Variants in STXBP4 observed in about 807,000 individuals in gnomAD.
STXBP4 encodes the protein syntaxin-binding protein 4.
Under a neutral mutation model 76.1 loss-of-function variants are expected in STXBP4, and 55 were observed. The ratio of observed to expected loss-of-function variants is 0.72; its 90% confidence interval spans 0.58 to 0.91. The LOEUF is 0.91. STXBP4 is among the 40% of genes least tolerant of loss of function. The pLI, the probability that STXBP4 is intolerant of heterozygous loss-of-function variation, is 0.00. For missense variants in STXBP4, 618 were observed against 636.9 expected, an observed-to-expected ratio of 0.97 and a Z score of 0.32; for synonymous variants, 201 against 220.2, an observed-to-expected ratio of 0.91 and a Z score of 0.77.
rs537456865 is a variant in STXBP4 at position 55,036,442 on chromosome 17, T to C, written c.855+2183T>C. On this transcript the variant is annotated intron_variant, in intron 10 of 17. Coordinates refer to ENST00000376352, the MANE Select transcript of STXBP4 (RefSeq NM_178509.6). ...GTTGCCATTAAAATTAATGGTATCT[T>C]TTAAAAATTTGTTTCATTTTAAATT... Among the ~76,000 whole-genome samples, 8 of 151,744 alleles carry C rather than the reference T, an allele frequency of 5.3e-5. No homozygotes were observed. In the South Asian group the frequency reaches 1.7e-3, roughly 31 times the overall value.
intron 12 of STXBP4, among the ~76,000 whole-genome samples, 182 bp from the exon 13 acceptor site, chr17:55,072,718 G>A (rs983209480): frequency 2.6e-5 from 4 of 152,088 alleles, no homozygotes; most frequent in South Asian, 2.1e-4. Context: ...GAAAAAGTAA[G>A]ATCAGGCAAC....
At chr17:55,106,655 G>C (rs2079638692) in intron 16 of STXBP4, among the ~76,000 whole-genome samples, 1 of 152,080 alleles carries the variant, frequency 6.6e-6, no homozygotes, top group African/African-American at 2.4e-5. Flanking sequence ...AGGCAGGCCT[G>C]GTAGTGACAA....
At chr17:55,192,984 G>A in the STXBP4 span, among the ~76,000 whole-genome samples, 1 of 152,192 alleles carries the variant, frequency 6.6e-6, no homozygotes, top group African/African-American at 2.4e-5. Flanking sequence ...CAAATACCAT[G>A]CACTTAACCA....
rs535849810 is a variant in STXBP4 at position 55,043,744 on chromosome 17, A to C, written c.945+419A>C. The C allele has an allele frequency of 6.5e-4, 729 of 1,113,232 alleles. 3 individuals are homozygous for C. The highest frequency in any genetic ancestry group is 8.5e-4 in the Non-Finnish European group (666 of 785,430). The allele number at this position is 1,113,232 out of a possible 1,614,324, so 69.0% of individuals were successfully genotyped here. A position where few individuals can be genotyped will look rare whatever the true frequency, so the allele number is the denominator to read the frequency against. ...AAGGGACATCATGTTTTGCTAACGTAATTTGGAATTAATATTATTTTAGAG... is the reference window on the plus strand; with the variant it reads ...AAGGGACATCATGTTTTGCTAACGTCATTTGGAATTAATATTATTTTAGAG... On this transcript the variant is annotated intron_variant, in intron 11 of 17. Transcript: ENST00000376352.
intron 16 of STXBP4, among the ~76,000 whole-genome samples, chr17:55,114,622 T>C (rs1212774581): frequency 6.6e-6 from 1 of 152,060 alleles, no homozygotes; most frequent in African/African-American, 2.4e-5. Context: ...CAGTTTCTTC[T>C]TTTGTTTATT....
chr17:55,107,872 T>A (rs1598319884), intron 16 of STXBP4, among the ~76,000 whole-genome samples: 7 of 152,250 alleles, frequency 4.6e-5, no homozygotes, highest in Non-Finnish European at 8.8e-5. Context: ...CCAGGAGGTG[T>A]CTCCCTGTCA....
the STXBP4 span, among the ~76,000 whole-genome samples, chr17:55,179,717 G>A: frequency 4.6e-5 from 7 of 152,130 alleles, no homozygotes; most frequent in Non-Finnish European, 8.8e-5. Flanking sequence ...AGTAGTAAAT[G>A]TATTTTATCT....
intron 11 of STXBP4, among the ~76,000 whole-genome samples, chr17:55,045,710 CT>C (rs2078776418): frequency 6.6e-6 from 1 of 151,954 alleles, no homozygotes; most frequent in Non-Finnish European, 1.5e-5. Flanking sequence ...AACCAGCTAG[CT>C]CAGTTGGTTA....
At chr17:55,038,962 T>C (rs954179693) in intron 10 of STXBP4, among the ~76,000 whole-genome samples, 2 of 152,160 alleles carry the variant, frequency 1.3e-5, no homozygotes, top group Admixed American at 1.3e-4. Flanking sequence ...TACAGGATCA[T>C]AGTATGTATC....
In STXBP4 at chr17:55,007,536, G is replaced by C; in HGVS notation, c.605G>C (p.Gly202Ala). The C allele has an allele frequency of 6.2e-7, 1 of 1,611,370 alleles. No individual in the cohort carries two copies. ...DVASAWTENY[G>A]LQEKISLNPS... is the part of the protein sequence containing the mutation. ...GCTTCTGCCTGGACTGAAAATTATG[G>C]GCTACAAGAAAAGATCTCCCTAAAT... The change falls in exon 8 of 18, where the codon GGG becomes GCG. Residue 202 changes from glycine to alanine, a missense_variant. Transcript: ENST00000376352.
At chr17:55,134,025 C>T (rs1199270473) in intron 16 of STXBP4, among the ~76,000 whole-genome samples, 1 of 151,990 alleles carries the variant, frequency 6.6e-6, no homozygotes, top group Non-Finnish European at 1.5e-5. Context: ...AAGATAATTA[C>T]AGCTCATTTT....
intron 16 of STXBP4, among the ~76,000 whole-genome samples, chr17:55,087,976 A>G (rs574150321): frequency 2.0e-5 from 3 of 152,266 alleles, no homozygotes; most frequent in Middle Eastern, 3.4e-3. Context: ...TTATAGAGGT[A>G]TTACCTCTTG....
chr17:55,020,237 T>C (rs1012271428), intron 8 of STXBP4, among the ~76,000 whole-genome samples: 1 of 152,214 alleles, frequency 6.6e-6, no homozygotes, highest in South Asian at 2.1e-4. Context: ...CATTTTCAAC[T>C]CTTTCTTCTA....
At chr17:55,005,995 G>GTGTATATA (rs1156756171) in intron 7 of STXBP4, among the ~76,000 whole-genome samples, 1 of 151,816 alleles carries the variant, frequency 6.6e-6, no homozygotes, top group African/African-American at 2.4e-5. Flanking sequence ...ATATGTATAT[G>GTGTATATA]TGTATATATG....
chr17:55,105,773 T>G (rs2079627860), intron 16 of STXBP4, among the ~76,000 whole-genome samples: 1 of 151,934 alleles, frequency 6.6e-6, no homozygotes, highest in South Asian at 2.1e-4. Flanking sequence ...CCACCGCACC[T>G]GGCCTCTTAA....
intron 16 of STXBP4, among the ~76,000 whole-genome samples, chr17:55,089,769 A>T (rs754709200): frequency 6.6e-6 from 1 of 152,228 alleles, no homozygotes; most frequent in Admixed American, 6.5e-5. Flanking sequence ...GAAATGCATA[A>T]TAAGAAAAAA....
At chr17:55,133,178 G>A (rs1463833102) in intron 16 of STXBP4, among the ~76,000 whole-genome samples, 3 of 152,138 alleles carry the variant, frequency 2.0e-5, no homozygotes, top group East Asian at 3.9e-4. Context: ...GCTAAAAGTT[G>A]TGGGAAGTGG....
chr17:55,140,023 G>A (rs955646367), intron 16 of STXBP4, among the ~76,000 whole-genome samples: 4 of 152,206 alleles, frequency 2.6e-5, no homozygotes, highest in East Asian at 3.9e-4. Context: ...TTACTGTTAG[G>A]CCAAGCACGG....
intron 12 of STXBP4, among the ~76,000 whole-genome samples, chr17:55,060,545 T>C (rs1369463192): frequency 6.6e-6 from 1 of 152,166 alleles, no homozygotes; most frequent in Non-Finnish European, 1.5e-5. Context: ...GATAACCTAA[T>C]TATTAAAACA....
Sources: gnomAD v4.1 joint callset for allele counts (sites outside exome capture counted in the v4.1 genomes callset) on GRCh38, gnomAD v4.1.1 for gene constraint, MANE v1.5 for transcripts, NCBI Gene and HGNC (gene_info 2026-07-23, HGNC 2026-07-21) for gene names.